Variants in CNTNAP3B observed in about 807,000 individuals in gnomAD.
CNTNAP3B encodes the protein contactin associated protein family member 3B, also known as contactin-associated protein-like 3B.
Under a neutral mutation model 108.9 loss-of-function variants are expected in CNTNAP3B, and 25 were observed. That is an observed-to-expected ratio of 0.23 (90% CI 0.17 to 0.32). The LOEUF is 0.32. Among genes scored for constraint, CNTNAP3B ranks in the 10% least tolerant of loss-of-function variants. The probability of loss-of-function intolerance (pLI) is 1.00; values close to 1 mark genes in which losing one functional copy is unlikely to be tolerated. For synonymous variants in CNTNAP3B, 103 were observed against 473.4 expected, an observed-to-expected ratio of 0.22 and a Z score of 10.16; for missense variants, 252 against 1,210.4, an observed-to-expected ratio of 0.21 and a Z score of 11.75.
chr9:41,917,175 T>C (rs1163863229), intron 18 of CNTNAP3B, among the ~76,000 whole-genome samples: 1 of 152,238 alleles, frequency 6.6e-6, no homozygotes. Flanking sequence ...GTTGGTGTGC[T>C]TAGTTATGTC....
chr9:42,069,120 CA>C lies in CNTNAP3B; in HGVS notation c.390+7748del, dbSNP rs1183244491. ...ATTTACTACAATATTTAAGAATCCA[CA>C]AAAAAATGGTTTTTTTCAAAAGCCT... On this transcript the variant is annotated intron_variant, in intron 3 of 23. Transcript: ENST00000377561. Among the ~76,000 whole-genome samples the C allele has an allele frequency of 8.7e-4, 70 of 80,120 alleles. 1 individual carries two copies. Among genetic ancestry groups the C allele is most frequent in the Non-Finnish European group, 1.4e-3 (59 of 42,320 alleles). The allele number at this position is 80,120 out of a possible 152,430, so 52.6% of individuals were successfully genotyped here.
chr9:41,961,837 A>C (rs2118211993), intron 11 of CNTNAP3B, among the ~76,000 whole-genome samples: 1 of 152,428 alleles, frequency 6.6e-6, no homozygotes, highest in African/African-American at 2.4e-5. Context: ...TTGTGCAAGT[A>C]AATGTTTTAC....
chr9:41,935,934 C>T (rs1193324845), intron 14 of CNTNAP3B, among the ~76,000 whole-genome samples: 2 of 152,282 alleles, frequency 1.3e-5, no homozygotes, highest in Non-Finnish European at 2.9e-5. Context: ...CCTCCCATCC[C>T]CTCCTCAAAC....
At chr9:41,917,425 G>C (rs1564141291) in intron 18 of CNTNAP3B, among the ~76,000 whole-genome samples, 1 of 141,112 alleles carries the variant, frequency 7.1e-6, no homozygotes, top group Non-Finnish European at 1.5e-5. Context: ...ATAGAAATCA[G>C]TTCACTTGGG....
intron 15 of CNTNAP3B, among the ~76,000 whole-genome samples, chr9:41,927,650 G>C (rs1823857977): frequency 6.6e-6 from 1 of 151,138 alleles, no homozygotes; most frequent in African/African-American, 2.4e-5. Context: ...TCACACTATG[G>C]GAATAATATA....
chr9:42,053,885 C>A (rs1324254649), intron 3 of CNTNAP3B, among the ~76,000 whole-genome samples: 1 of 146,690 alleles, frequency 6.8e-6, no homozygotes, highest in East Asian at 2.0e-4. Flanking sequence ...CCTTTCTTCA[C>A]AAGGTTTACC....
intron 4 of CNTNAP3B, among the ~76,000 whole-genome samples, chr9:42,002,498 T>C (rs1438165260): frequency 2.0e-4 from 21 of 105,842 alleles, no homozygotes; most frequent in African/African-American, 7.8e-4. Flanking sequence ...AAATACGAAT[T>C]CTTGCAGATA....
intron 1 of CNTNAP3B, among the ~76,000 whole-genome samples, chr9:42,119,617 G>T (rs544861489): frequency 7.4e-6 from 1 of 135,270 alleles, no homozygotes; most frequent in Non-Finnish European, 1.6e-5. Flanking sequence ...GCATGGCACT[G>T]GTACCAAAAC....
At chr9:42,033,186 C>G (rs1390528286) in intron 3 of CNTNAP3B, among the ~76,000 whole-genome samples, 1 of 139,268 alleles carries the variant, frequency 7.2e-6, no homozygotes. Context: ...AAAAGAATCA[C>G]TTTCCCATTA....
rs1195095114 is a variant in CNTNAP3B, at chr9:41,922,181, T to C, written c.2755+496A>G. Among the ~76,000 whole-genome samples the C allele has an allele frequency of 4.1e-4, 54 of 132,940 alleles. 5 individuals carry two copies. The highest frequency in any genetic ancestry group is 1.6e-3 in the African/African-American group (51 of 32,806). The allele number at this position is 132,940 out of a possible 152,430, so 87.2% of individuals were successfully genotyped here. ...AAACATTGATACCTAAACACTGAGATACTGCAGGGCCCGGTGGCTCGCGCC... is the reference window on the plus strand; with the variant it reads ...AAACATTGATACCTAAACACTGAGACACTGCAGGGCCCGGTGGCTCGCGCC... On this transcript the variant is annotated intron_variant, in intron 17 of 23. Transcript: ENST00000377561.
At chr9:41,953,138 G>A (rs756224493) in intron 13 of CNTNAP3B, 45 bp downstream of exon 13, 11 of 1,470,396 alleles carry the variant, frequency 7.5e-6, no homozygotes, top group Middle Eastern at 2.4e-4. Context: ...CGAGGGCCGC[G>A]CCCCGGCCTC....
At chr9:42,061,313 T>A (rs1259723493) in intron 3 of CNTNAP3B, among the ~76,000 whole-genome samples, 2 of 96,676 alleles carry the variant, frequency 2.1e-5, no homozygotes, top group African/African-American at 8.1e-5. Flanking sequence ...TGAATTTTCT[T>A]TTTCTTTTTT....
chr9:42,003,061 C>CT (rs1219264229), intron 4 of CNTNAP3B, among the ~76,000 whole-genome samples: 2 of 130,498 alleles, frequency 1.5e-5, no homozygotes, highest in East Asian at 4.6e-4. Flanking sequence ...TAATTTTTTA[C>CT]TTTTTTTCTA....
At chr9:42,123,547 C>T (rs935606878) in intron 1 of CNTNAP3B, among the ~76,000 whole-genome samples, 5 of 123,186 alleles carry the variant, frequency 4.1e-5, no homozygotes, top group Non-Finnish European at 8.4e-5. Flanking sequence ...ATTGACTTTA[C>T]ATGAAAAGGA....
Position 42,047,678 on chromosome 9 carries a change from C to CCCTTCCTT in CNTNAP3B, c.390+29183_390+29190dup, listed in dbSNP as rs371573105. Among the ~76,000 whole-genome samples, 47 of 19,278 alleles carry CCCTTCCTT rather than the reference C, an allele frequency of 2.4e-3. 1 individual carries two copies. The highest frequency in any genetic ancestry group is 2.7e-3 in the Non-Finnish European group (24 of 8,924). 12.6% of individuals were successfully genotyped at this position (19,278 alleles called of 152,430 possible). On this transcript the variant is annotated intron_variant, in intron 3 of 23. Coordinates refer to ENST00000377561, the MANE Select transcript of CNTNAP3B (RefSeq NM_001201380.3). The stretch of plus-strand genomic sequence containing the variant: ...CCCCTCCCCCCTTCTGCCCCTTCCT[C>CCCTTCCTT]CCTTCCTTCCTTCCTTCCTTCCTTC...
At position 41,931,571 on chromosome 9, in the gene CNTNAP3B, T is replaced by C. The variant is rs1324464883; in HGVS notation, c.2238-2127A>G. Among the ~76,000 whole-genome samples the C allele has an allele frequency of 2.0e-5, 3 of 151,810 alleles. No individual in the cohort carries two copies. The East Asian group carries it at 5.8e-4, about 29-fold the overall frequency. On this transcript the variant is annotated intron_variant, in intron 14 of 23. Transcript: ENST00000377561. Reference sequence around the variant, plus strand: ...ACACTTAATGGTAAAGAAAGCTTATTTCTAAAATTCAGACTAAAACCCTGT... The same window carrying C: ...ACACTTAATGGTAAAGAAAGCTTATCTCTAAAATTCAGACTAAAACCCTGT...
At chr9:41,995,775 C>G (rs1349704982) in intron 7 of CNTNAP3B, among the ~76,000 whole-genome samples, 1 of 135,252 alleles carries the variant, frequency 7.4e-6, no homozygotes, top group East Asian at 2.2e-4. Flanking sequence ...GTGGCTCACA[C>G]CTGTAATCCC....
intron 3 of CNTNAP3B, among the ~76,000 whole-genome samples, chr9:42,070,507 G>A (rs546570539): frequency 1.7e-4 from 24 of 142,578 alleles, no homozygotes; most frequent in South Asian, 8.9e-4. Context: ...TCACTGTGTC[G>A]CTGCCCATCA....
intron 13 of CNTNAP3B, among the ~76,000 whole-genome samples, chr9:41,939,638 A>G (rs1387067961): frequency 2.0e-5 from 3 of 152,294 alleles, no homozygotes; most frequent in Non-Finnish European, 4.4e-5. Context: ...CTCTTCTCGG[A>G]ATGCCACTTT....
Sources: gnomAD v4.1 joint callset for allele counts (sites outside exome capture counted in the v4.1 genomes callset) on GRCh38, gnomAD v4.1.1 for gene constraint, MANE v1.5 for transcripts, NCBI Gene and HGNC (gene_info 2026-07-23, HGNC 2026-07-21) for gene names.